The following IQSEC1 variants were observed in gnomAD, a reference collection of about 807,000 sequenced individuals.
IQSEC1 encodes the protein IQ motif and SEC7 domain-containing protein 1.
A neutral mutation model predicts 91.0 loss-of-function variants in IQSEC1; 31 were observed. The ratio of observed to expected loss-of-function variants is 0.34; its 90% CI spans 0.26 to 0.46. The LOEUF (loss-of-function observed/expected upper bound fraction) is 0.46, where lower values mean the gene tolerates loss of function less well. Ranked by LOEUF, IQSEC1 falls within the 20% of genes least tolerant of loss-of-function variation. The pLI is 1.00. For missense variants in IQSEC1, 1,388 were observed against 1,575.6 expected (o/e 0.88, Z 2.02); for synonymous variants, 699 against 662.6 (o/e 1.05, Z -0.84).
chr3:12,943,914 T>C lies in IQSEC1; in HGVS notation c.24-2049A>G, dbSNP rs147972815. Among the ~76,000 whole-genome samples the C allele has an allele frequency of 2.6e-5, 4 of 152,320 alleles. No individual in the cohort carries two copies. In the East Asian group the frequency reaches 5.8e-4, roughly 22 times the overall value. ...GCTTTCCAGCCTGCAGATTAGGACA[T>C]GACTTCTGGCTCTGGCCTCCGGGGT... On this transcript the variant is annotated intron_variant, in intron 1 of 13. Transcript: ENST00000613206.
chr3:13,099,227 C>A (rs1404132867), intron 2 of IQSEC1, among the ~76,000 whole-genome samples: 1 of 152,140 alleles, frequency 6.6e-6, no homozygotes, highest in Admixed American at 6.5e-5. Context: ...GCAAGTGAGA[C>A]CTTCAGGGAA....
chr3:13,276,412 T>C (rs765652705), intron 1 of IQSEC1, among the ~76,000 whole-genome samples: 9 of 152,182 alleles, frequency 5.9e-5, no homozygotes, highest in Non-Finnish European at 1.2e-4. Context: ...CTTGATGCCC[T>C]GGCTATTCCT....
At chr3:13,069,953 T>C (rs1318955512) in intron 1 of IQSEC1, among the ~76,000 whole-genome samples, 1 of 152,218 alleles carries the variant, frequency 6.6e-6, no homozygotes, top group Non-Finnish European at 1.5e-5. Context: ...TGTCATCCTT[T>C]ATCCCATCCA....
rs762046216 is a variant in IQSEC1 at position 13,026,883 on chromosome 3, GT to G, written c.23+46108del. Among the ~76,000 whole-genome samples the G allele has an allele frequency of 1.3e-4, 8 of 62,674 alleles. No homozygotes were observed. The East Asian group carries it at 1.9e-3, about 15-fold the overall frequency. The allele number at this position is 62,674 out of a possible 152,430, so 41.1% of individuals were successfully genotyped here. A position where few individuals can be genotyped will look rare whatever the true frequency, so the allele number is the denominator to read the frequency against. On this transcript the variant is annotated intron_variant, in intron 1 of 13. Coordinates refer to ENST00000613206, the MANE Select transcript of IQSEC1 (RefSeq NM_001134382.3). ...TCCCCAGTTTTTTTTTTTTTTGTTT[GT>G]TTTTTTTTTTACCAATTAATAAACT...
At chr3:13,026,305 G>A (rs554389108) in intron 1 of IQSEC1, among the ~76,000 whole-genome samples, 9 of 152,326 alleles carry the variant, frequency 5.9e-5, no homozygotes, top group African/African-American at 2.2e-4. Context: ...CAGGTGTCCA[G>A]TTCCCTTAAC....
At chr3:13,132,974 G>A (rs951647055) in intron 2 of IQSEC1, among the ~76,000 whole-genome samples, 1 of 152,194 alleles carries the variant, frequency 6.6e-6, no homozygotes, top group African/African-American at 2.4e-5. Context: ...TTAAAGATAA[G>A]AAAATGAGAC....
intron 1 of IQSEC1, among the ~76,000 whole-genome samples, chr3:13,190,432 C>T (rs1694002527): frequency 1.3e-5 from 2 of 151,964 alleles, no homozygotes; most frequent in African/African-American, 2.4e-5. Flanking sequence ...ATTAGCCAGG[C>T]ATGGTCCCAG....
intron 2 of IQSEC1, among the ~76,000 whole-genome samples, chr3:13,126,571 G>A (rs373665678): frequency 2.0e-5 from 3 of 152,332 alleles, no homozygotes. Flanking sequence ...TATAGTAGGT[G>A]TGTATTTAAC....
intron 1 of IQSEC1, among the ~76,000 whole-genome samples, chr3:13,047,260 T>C (rs968831885): frequency 6.6e-6 from 1 of 152,212 alleles, no homozygotes; most frequent in South Asian, 2.1e-4. Flanking sequence ...GCAGTCCTGG[T>C]CTTTGGGGGG....
intron 3 of IQSEC1, among the ~76,000 whole-genome samples, chr3:12,925,628 C>T (rs1697055597): frequency 6.6e-6 from 1 of 152,362 alleles, no homozygotes; most frequent in African/African-American, 2.4e-5. Flanking sequence ...CCATGCAGGG[C>T]TGAGTGTGTC....
At chr3:13,232,682 G>T (rs1694858039) in intron 1 of IQSEC1, among the ~76,000 whole-genome samples, 1 of 152,110 alleles carries the variant, frequency 6.6e-6, no homozygotes, top group African/African-American at 2.4e-5. Context: ...ACACAGACTT[G>T]GAGAATAATG....
intron 10 of IQSEC1, among the ~76,000 whole-genome samples, chr3:12,910,323 A>G (rs1019296122): frequency 5.9e-5 from 9 of 152,246 alleles, no homozygotes; most frequent in Admixed American, 5.2e-4. Context: ...CCACGATCTA[A>G]GGCCAAGCCC....
intron 1 of IQSEC1, among the ~76,000 whole-genome samples, chr3:13,248,799 TA>T (rs1302939203): frequency 1.0e-5 from 1 of 96,828 alleles, no homozygotes; most frequent in Non-Finnish European, 1.9e-5. Context: ...AGAGGTTGAG[TA>T]ACTTGCCTGA....
chr3:13,269,025 G>A (rs932447250), intron 1 of IQSEC1, among the ~76,000 whole-genome samples: 15 of 152,222 alleles, frequency 9.9e-5, no homozygotes, highest in East Asian at 3.8e-4. Context: ...GAGGACGTGC[G>A]GGGTTTCAAA....
intron 1 of IQSEC1, among the ~76,000 whole-genome samples, chr3:13,174,115 G>C (rs1334184673): frequency 6.6e-6 from 1 of 152,182 alleles, no homozygotes; most frequent in Non-Finnish European, 1.5e-5. Flanking sequence ...AGCAGGCTCT[G>C]GGTGCTCCTG....
intron 1 of IQSEC1, among the ~76,000 whole-genome samples, chr3:12,953,744 G>A (rs1468497128): frequency 6.6e-5 from 10 of 152,166 alleles, no homozygotes; most frequent in African/African-American, 2.4e-4. Context: ...GTACAGCTCC[G>A]TCAGGCATCT....
In IQSEC1 at chr3:12,900,503, C is replaced by G. The variant is rs1210908852; in HGVS notation, c.*480G>C. The G allele has an allele frequency of 1.2e-6, 1 of 843,262 alleles. No individual in the cohort carries two copies. Among genetic ancestry groups the G allele is most frequent in the Non-Finnish European group, 1.4e-6 (1 of 701,410 alleles). 52.2% of individuals were successfully genotyped at this position (843,262 alleles called of 1,614,324 possible). A position where few individuals can be genotyped will look rare whatever the true frequency, so the allele number is the denominator to read the frequency against. On this transcript the variant is annotated 3_prime_UTR_variant, in exon 14 of 14. Coordinates refer to ENST00000613206, the MANE Select transcript of IQSEC1 (RefSeq NM_001134382.3). ...TATATATTTATATAAAGTTTACTTA[C>G]GTATTTTCATCAACCATATCAGGTC...
rs376515006 is a variant in IQSEC1, at chr3:12,922,839, C to T, written c.1731-597G>A. On this transcript the variant is annotated intron_variant, in intron 4 of 13. Transcript: ENST00000613206. The surrounding 1 kb of genome is among the most constrained non-coding windows in gnomAD (Gnocchi z 5.1). ...CCACATTCTTCCCATGGCCCTGCCC[C>T]GGCACACCCTTCCAGTCCCTCCTAT... is the stretch of plus-strand genomic sequence containing the variant. Among the ~76,000 whole-genome samples, 20 of 152,216 alleles carry T rather than the reference C, an allele frequency of 1.3e-4. No homozygotes were observed. Among genetic ancestry groups the T allele is most frequent in the Admixed American group, 6.5e-4 (10 of 15,296 alleles).
chr3:13,083,082 C>T (rs1038912828), intron 2 of IQSEC1, among the ~76,000 whole-genome samples: 2 of 152,232 alleles, frequency 1.3e-5, no homozygotes, highest in Non-Finnish European at 1.5e-5. Context: ...ACCTCCCCCA[C>T]TGGAATGTGA....
Sources: gnomAD v4.1 joint callset for allele counts (sites outside exome capture counted in the v4.1 genomes callset) on GRCh38, gnomAD v4.1.1 for gene constraint, Gnocchi (gnomAD v3.1) non-coding constraint, MANE v1.5 for transcripts, NCBI Gene and HGNC (gene_info 2026-07-23, HGNC 2026-07-21) for gene names.